ATP6V1B2: variants seen among roughly 807,000 people sequenced by gnomAD.
ATP6V1B2 encodes V-type proton ATPase subunit B, brain isoform.
In ATP6V1B2, 23 loss-of-function variants were observed where a neutral mutation model predicts 66.7. The ratio of observed to expected loss-of-function variants is 0.34; its 90% confidence interval spans 0.25 to 0.49. The LOEUF is 0.49. Ranked by LOEUF, ATP6V1B2 falls within the 20% of genes least tolerant of loss-of-function variation. ATP6V1B2 has a pLI of 0.99. For missense variants in ATP6V1B2, 478 were observed against 650.8 expected (o/e 0.73, Z 2.89); for synonymous variants, 278 against 236.7 (o/e 1.17, Z -1.60).
intron 7 of ATP6V1B2, 27 bp downstream of exon 7, chr8:20,211,780 A>T: frequency 6.5e-7 from 1 of 1,550,320 alleles, no homozygotes; most frequent in Admixed American, 1.9e-5. Flanking sequence ...TTTTAGTATG[A>T]TATGTAAAAT....
chr8:20,214,902 G>A lies in ATP6V1B2; in HGVS notation c.1012G>A (p.Ala338Thr), dbSNP rs776545761. Reference protein sequence around the residue: ...YTDLATIYERAGRVEGRNGSI... With the variant: ...YTDLATIYERTGRVEGRNGSI... ...AGATTTAGCCACGATATATGAACGC[G>A]CTGGGCGAGTGGAAGGGAGAAACGG... Residue 338 changes from alanine to threonine, a missense_variant, in exon 10 of 14, where the codon GCT becomes ACT. Transcript: ENST00000276390. 1.9e-6 allele frequency: 3 copies of A among 1,613,602 alleles called. No individual in the cohort carries two copies. Among genetic ancestry groups the A allele is most frequent in the South Asian group, 1.1e-5 (1 of 91,060 alleles).
Position 20,200,106 on chromosome 8 carries a change from G to A in ATP6V1B2, c.136+2564G>A, listed in dbSNP as rs2072670265. Among the ~76,000 whole-genome samples the A allele has an allele frequency of 4.6e-5, 7 of 152,072 alleles. No homozygotes were observed. The South Asian group carries it at 6.2e-4, about 14-fold the overall frequency. On this transcript the variant is annotated intron_variant, in intron 1 of 13. Coordinates refer to ENST00000276390, the MANE Select transcript of ATP6V1B2 (RefSeq NM_001693.4). ...CAACCTCCACATCTCAGGCTCAAGC[G>A]ATCCTCCCACCTCAGCCTCTCAAGT...
Position 20,212,809 on chromosome 8 carries a change from G to GATAGAGCAGCA in ATP6V1B2, c.831_832insATAGAGCAGCA (p.Ala278IlefsTer6). 1 of 1,613,694 alleles carries GATAGAGCAGCA rather than the reference G, an allele frequency of 6.2e-7. No individual in the cohort carries two copies. The highest frequency in any genetic ancestry group is 1.7e-5 in the Admixed American group (1 of 59,996). On this transcript the variant is annotated frameshift_variant, in exon 9 of 14. Transcript: ENST00000276390. LOFTEE classifies it high-confidence loss of function. ...TTGAGCGAATTATCACTCCTCGCCT[G>GATAGAGCAGCA]GCTCTAACCACAGCTGAATTTCTGG...
intron 1 of ATP6V1B2, 92 bp downstream of exon 1, chr8:20,197,634 G>T: frequency 7.8e-7 from 1 of 1,274,902 alleles, no homozygotes; most frequent in South Asian, 3.0e-5. Flanking sequence ...GTAGGGGGTA[G>T]GATTTGTTTT....
In ATP6V1B2 at chr8:20,215,276, A is replaced by G. The variant is rs544742382; in HGVS notation, c.1078+308A>G. 1.4e-4 allele frequency: 27 copies of G among 187,916 alleles called. No homozygotes were observed. In the South Asian group the frequency reaches 3.1e-3, roughly 22 times the overall value. 11.6% of individuals were successfully genotyped at this position (187,916 alleles called of 1,614,324 possible). On this transcript the variant is annotated intron_variant, in intron 10 of 13. Coordinates refer to ENST00000276390, the MANE Select transcript of ATP6V1B2 (RefSeq NM_001693.4). Reference sequence around the variant, plus strand: ...AGAATTTATGGTCTCTACTTAATGTAAGTTACTCAGTCTAATTGGGGATGT... The same window carrying G: ...AGAATTTATGGTCTCTACTTAATGTGAGTTACTCAGTCTAATTGGGGATGT...
chr8:20,211,827 C>G, intron 7 of ATP6V1B2, 74 bp downstream of exon 7: 1 of 1,193,240 alleles, frequency 8.4e-7, no homozygotes, highest in South Asian at 1.4e-5. Context: ...GTAAGCTGTA[C>G]ATATATAGTT....
At chr8:20,200,333 A>G (rs951191637) in intron 1 of ATP6V1B2, among the ~76,000 whole-genome samples, 8 of 152,086 alleles carry the variant, frequency 5.3e-5, no homozygotes, top group African/African-American at 1.9e-4. Flanking sequence ...CTTCACACTG[A>G]ACCTTTAGAA....
At chr8:20,199,993 A>C (rs929893540) in intron 1 of ATP6V1B2, among the ~76,000 whole-genome samples, 32 of 79,344 alleles carry the variant, frequency 4.0e-4, no homozygotes, top group African/African-American at 1.7e-3. Flanking sequence ...AATTATAGTT[A>C]TTGTGTGTGT....
At chr8:20,218,936 A>G (rs754523452) in intron 13 of ATP6V1B2, among the ~76,000 whole-genome samples, 1 of 152,094 alleles carries the variant, frequency 6.6e-6, no homozygotes, top group South Asian at 2.1e-4. Flanking sequence ...TTCAATTTTT[A>G]TCTACCTCTG....
intron 7 of ATP6V1B2, 140 bp downstream of exon 7, chr8:20,211,893 T>A: frequency 1.2e-6 from 1 of 849,668 alleles, no homozygotes; most frequent in Non-Finnish European, 1.8e-6. Context: ...AATTAAGGAC[T>A]AAAATTTGGC....
chr8:20,217,136 T>C, intron 11 of ATP6V1B2, 84 bp from the exon 12 acceptor site: 1 of 1,113,280 alleles, frequency 9.0e-7, no homozygotes, highest in South Asian at 1.3e-5. Flanking sequence ...GTTGTAATAA[T>C]GAGTTTCAAA....
intron 13 of ATP6V1B2, among the ~76,000 whole-genome samples, chr8:20,219,840 G>C (rs2072890750): frequency 6.6e-6 from 1 of 152,166 alleles, no homozygotes; most frequent in African/African-American, 2.4e-5. Flanking sequence ...TCAGGTGCTT[G>C]ACTGGCATTT....
chr8:20,220,475 G>A lies in ATP6V1B2; in HGVS notation c.*73G>A. ...TTTCTTTATTCCTTTTGCACTCTCG[G>A]TTCCCACCTTTGTGTTGGAGTTTAC... On this transcript the variant is annotated 3_prime_UTR_variant, in exon 14 of 14. Transcript: ENST00000276390. The A allele has an allele frequency of 6.8e-7, 1 of 1,463,108 alleles. No individual in the cohort carries two copies. The highest frequency in any genetic ancestry group is 9.0e-7 in the Non-Finnish European group (1 of 1,109,288). The allele number at this position is 1,463,108 out of a possible 1,614,324, so 90.6% of individuals were successfully genotyped here.
intron 10 of ATP6V1B2, chr8:20,216,113 C>T (rs562656941): frequency 1.5e-4 from 32 of 207,304 alleles, no homozygotes; most frequent in African/African-American, 6.0e-4. Context: ...GTATGGTTGC[C>T]GCTAGCCACA....
chr8:20,213,083 AT>A, intron 9 of ATP6V1B2, 178 bp downstream of exon 9: 1 of 740,428 alleles, frequency 1.4e-6, no homozygotes, highest in Non-Finnish European at 2.1e-6. Context: ...GGTAGAAGTG[AT>A]TAGAGGTTAA....
At position 20,211,172 on chromosome 8, in the gene ATP6V1B2, A is replaced by C; in HGVS notation, c.464-5A>C. 6.2e-7 allele frequency: 1 copy of C among 1,609,414 alleles called. No homozygotes were observed. Among genetic ancestry groups the C allele is most frequent in the East Asian group, 2.2e-5 (1 of 44,680 alleles). ...TTGAAATTTTCCTTTTTGGAAATAC[A>C]TTAGGTCAGCCAATCAACCCTCAAT... On this transcript the variant is annotated splice_polypyrimidine_tract_variant and splice_region_variant and intron_variant, in intron 5 of 13. Transcript: ENST00000276390.
chr8:20,217,678 C>T (rs764038253), intron 12 of ATP6V1B2, among the ~76,000 whole-genome samples: 1 of 152,152 alleles, frequency 6.6e-6, no homozygotes, highest in Non-Finnish European at 1.5e-5. Context: ...TAAGCCGTCA[C>T]CAGAACACTA....
At chr8:20,214,150 A>C (rs1381800500) in intron 9 of ATP6V1B2, 3 of 152,228 alleles carry the variant, frequency 2.0e-5, no homozygotes, top group Non-Finnish European at 4.4e-5. Context: ...GTTGGATTTC[A>C]TAATGCTTTA....
chr8:20,220,001 A>G (rs2072892264), intron 13 of ATP6V1B2, among the ~76,000 whole-genome samples: 1 of 152,060 alleles, frequency 6.6e-6, no homozygotes, highest in African/African-American at 2.4e-5. Flanking sequence ...CAGTTGTCAA[A>G]TCTCAGATCT....
Sources: allele counts gnomAD v4.1 joint callset (sites outside exome capture counted in the v4.1 genomes callset), GRCh38; gene constraint gnomAD v4.1.1; transcripts MANE v1.5; gene names NCBI Gene and HGNC (gene_info 2026-07-23, HGNC 2026-07-21).